The following PLEKHJ1 variants were observed in gnomAD, a reference collection of about 807,000 sequenced individuals.
PLEKHJ1 encodes pleckstrin homology domain containing J1.
PLEKHJ1 carries 20 observed loss-of-function variants against 21.7 expected under a neutral mutation model. The observed-to-expected ratio is 0.92, with a 90% CI of 0.65 to 1.34. The LOEUF is 1.34. Among genes scored for constraint, PLEKHJ1 ranks in the 40% most tolerant of loss-of-function variants. The probability of loss-of-function intolerance (pLI) is 0.00; values close to 1 mark genes in which losing one functional copy is unlikely to be tolerated. For missense variants in PLEKHJ1, 241 were observed against 202.0 expected (o/e 1.19, Z -1.17); for synonymous variants, 113 against 80.6 (o/e 1.40, Z -2.15).
downstream of PLEKHJ1, chr19:2,231,792 C>T (rs1000189595): frequency 9.2e-6 from 2 of 216,496 alleles, no homozygotes; most frequent in Admixed American, 1.2e-4. Context: ...CTGCCTCCCT[C>T]TAGGTGACAG....
chr19:2,233,950 C>T (rs983345932), intron 5 of PLEKHJ1, 45 bp from the exon 6 acceptor site: 4 of 1,611,684 alleles, frequency 2.5e-6, no homozygotes, highest in Non-Finnish European at 3.4e-6. Flanking sequence ...GGAGGACTGC[C>T]TCTGCCACCT....
intron 3 of PLEKHJ1, chr19:2,235,048 G>C (rs1373479908): frequency 6.6e-6 from 1 of 152,176 alleles, no homozygotes; most frequent in Admixed American, 6.6e-5. Context: ...GGGGTTGTCA[G>C]GGTGGGCCCT....
At chr19:2,234,116 C>T in intron 4 of PLEKHJ1, 34 bp downstream of exon 4, 2 of 1,611,360 alleles carry the variant, frequency 1.2e-6, no homozygotes, top group South Asian at 1.1e-5. Context: ...CTGCTGTGCC[C>T]ACCCCAGCAG....
In PLEKHJ1 at chr19:2,236,312, G is replaced by A; in HGVS notation, c.-64C>T. ...GGCCGCCGTCCCCGCTCAGGCTGGG[G>A]CCGGCGCCAAAAATGTCTCAGGGCG... On this transcript the variant is annotated 5_prime_UTR_variant, in exon 1 of 6. Transcript: ENST00000326631. 1 of 1,089,716 alleles carries A rather than the reference G, an allele frequency of 9.2e-7. No homozygotes were observed. Among genetic ancestry groups the A allele is most frequent in the Non-Finnish European group, 1.2e-6 (1 of 830,284 alleles). The allele number at this position is 1,089,716 out of a possible 1,614,324, so 67.5% of individuals were successfully genotyped here. A position where few individuals can be genotyped will look rare whatever the true frequency, so the allele number is the denominator to read the frequency against.
chr19:2,230,108 G>A, downstream of PLEKHJ1: 1 of 545,180 alleles, frequency 1.8e-6, no homozygotes. Flanking sequence ...TCTATATAAA[G>A]ACACGTGTCT....
chr19:2,233,926 C>T (rs200172912), intron 5 of PLEKHJ1, 21 bp from the exon 6 acceptor site: 1 of 1,612,694 alleles, frequency 6.2e-7, no homozygotes, highest in Non-Finnish European at 8.5e-7. Context: ...GACGGGTGGC[C>T]ATGAGCCAGG....
downstream of PLEKHJ1, chr19:2,231,280 C>A (rs1485611096): frequency 1.3e-5 from 3 of 223,986 alleles, no homozygotes; most frequent in South Asian, 3.7e-4. Flanking sequence ...TCGGGGAGCC[C>A]CTTCCCCAAG....
At chr19:2,231,958 C>T (rs1035501474), downstream of PLEKHJ1, 8 of 212,270 alleles carry the variant, frequency 3.8e-5, no homozygotes, top group African/African-American at 1.1e-4. Context: ...TGTCACCACA[C>T]GTGAACTAGT....
rs1030758843 is a variant in PLEKHJ1 at position 2,235,805 on chromosome 19, C to T, written c.186G>A (p.Glu62=). 3 of 1,551,728 alleles carry T rather than the reference C, an allele frequency of 1.9e-6. No individual in the cohort carries two copies. Among genetic ancestry groups the T allele is most frequent in the East Asian group, 2.4e-5 (1 of 41,050 alleles). The change falls in exon 3 of 6, where the codon GAG becomes GAA. Residue 62 remains glutamate (E), a synonymous_variant. Transcript: ENST00000326631. ...EAEPVGALLL[E]RCRVVREEPG... is the part of the protein sequence containing the mutation. ...GCTCTTCCCGGACGACTCTGCAGCG[C>T]TCCAGCAGCAGGGCTCCGACGGGCT...
chr19:2,230,071 G>C (rs1160439233), downstream of PLEKHJ1: 1 of 600,484 alleles, frequency 1.7e-6, no homozygotes, highest in African/African-American at 1.9e-5. Flanking sequence ...AACTTATTGA[G>C]AAATATAAAT....
downstream of PLEKHJ1, chr19:2,230,809 A>G (rs2024567450): frequency 2.6e-6 from 1 of 379,054 alleles, no homozygotes; most frequent in Non-Finnish European, 4.7e-6. Flanking sequence ...CCGACCCTAG[A>G]CCCCTCAGTT....
intron 1 of PLEKHJ1, 45 bp from the exon 2 acceptor site, chr19:2,236,035 G>A: frequency 1.1e-5 from 17 of 1,538,822 alleles, no homozygotes; most frequent in Non-Finnish European, 1.5e-5. Context: ...GCCCCCGCCC[G>A]GACCCCGGCC....
downstream of PLEKHJ1, chr19:2,230,373 C>T (rs1404908972): frequency 9.8e-6 from 4 of 408,720 alleles, no homozygotes; most frequent in South Asian, 2.2e-4. Context: ...GCCCTGAGCT[C>T]TTCACCTTTA....
chr19:2,233,573 C>A lies in PLEKHJ1; in HGVS notation c.*267G>T, dbSNP rs1016058800. 2 of 531,272 alleles carry A rather than the reference C, an allele frequency of 3.8e-6. No homozygotes were observed. The highest frequency in any genetic ancestry group is 7.0e-5 in the Admixed American group (2 of 28,732). 32.9% of individuals were successfully genotyped at this position (531,272 alleles called of 1,614,324 possible). Reference sequence around the variant, plus strand: ...ATGTCTCCAAACCAAAAACCTCCCACTGAAAATCCAGGTGTGATGGCCGGG... The same window carrying A: ...ATGTCTCCAAACCAAAAACCTCCCAATGAAAATCCAGGTGTGATGGCCGGG... On this transcript the variant is annotated 3_prime_UTR_variant, in exon 6 of 6. Transcript: ENST00000326631.
At chr19:2,235,435 T>TA (rs1449920459) in intron 3 of PLEKHJ1, 1 of 387,964 alleles carries the variant, frequency 2.6e-6, no homozygotes, top group Non-Finnish European at 4.7e-6. Context: ...ATAACAATGC[T>TA]AGACCCATGC....
At chr19:2,230,279 C>G (rs1331767194), downstream of PLEKHJ1, 6 of 423,248 alleles carry the variant, frequency 1.4e-5, no homozygotes, top group Admixed American at 2.4e-4. Flanking sequence ...CGCGCTGCTC[C>G]CGTACCAAAG....
downstream of PLEKHJ1, chr19:2,230,633 C>G (rs1420220371): frequency 1.3e-5 from 5 of 398,484 alleles, no homozygotes; most frequent in African/African-American, 2.1e-5. Flanking sequence ...GAGAGTCACA[C>G]TAATGAGTGG....
At chr19:2,232,355 C>T (rs1178957988), downstream of PLEKHJ1, 1 of 207,202 alleles carries the variant, frequency 4.8e-6, no homozygotes, top group African/African-American at 2.3e-5. Flanking sequence ...CGCCGACTGC[C>T]CTCGCCATCG....
At chr19:2,231,651 C>T (rs781287651), downstream of PLEKHJ1, 20 of 214,368 alleles carry the variant, frequency 9.3e-5, no homozygotes, top group Non-Finnish European at 1.6e-4. Flanking sequence ...AGCCCCAAGC[C>T]CCGAGCCTGG....
Sources: gnomAD v4.1 joint callset for allele counts on GRCh38, gnomAD v4.1.1 for gene constraint, MANE v1.5 for transcripts, NCBI Gene and HGNC (gene_info 2026-07-23, HGNC 2026-07-21) for gene names.